PARP4: variants seen among roughly 807,000 people sequenced by gnomAD.
PARP4 encodes poly(ADP-ribose) polymerase family member 4.
Under a neutral mutation model 187.7 loss-of-function variants are expected in PARP4, and 120 were observed. The ratio of observed to expected loss-of-function variants is 0.64; its 90% confidence interval spans 0.55 to 0.74. The LOEUF (loss-of-function observed/expected upper bound fraction) is 0.74. Ranked by LOEUF, PARP4 falls within the 30% of genes least tolerant of loss-of-function variation. The pLI, the probability that PARP4 is intolerant of heterozygous loss-of-function variation, is 0.00. For synonymous variants in PARP4, 654 were observed against 740.9 expected, an observed-to-expected ratio of 0.88 and a Z score of 1.90; for missense variants, 1,836 against 2,070.5, an observed-to-expected ratio of 0.89 and a Z score of 2.20.
intron 12 of PARP4, among the ~76,000 whole-genome samples, chr13:24,482,080 G>A (rs1873309370): frequency 6.6e-6 from 1 of 152,218 alleles, no homozygotes; most frequent in South Asian, 2.1e-4. Context: ...GTGACTTTGA[G>A]GGGTTCAAAC....
intron 3 of PARP4, 56 bp downstream of exon 3, chr13:24,501,577 C>T (rs1260299777): frequency 3.3e-6 from 4 of 1,212,304 alleles, no homozygotes; most frequent in Non-Finnish European, 4.9e-6. Flanking sequence ...TTTGACAAAC[C>T]CAAGCGTGTA....
rs1050114 is a variant in PARP4, at chr13:24,435,150, C to T, written c.3991G>A (p.Ala1331Thr). 22,476 of 1,614,036 alleles carry T rather than the reference C, an allele frequency of 0.014. 1,096 individuals are homozygous for T. The African/African-American group carries it at 0.17, about 12-fold the overall frequency. The change falls in exon 31 of 34, where the codon GCC (alanine) becomes ACC (threonine). Residue 1331 changes from alanine to threonine, a missense_variant. Physicochemically the swap from Ala to Thr is moderately conservative, Grantham distance 58. Coordinates refer to ENST00000381989, the MANE Select transcript of PARP4 (RefSeq NM_006437.4). The part of the protein sequence containing the change: ...PAVGSYLPPT[A>T]RAHSPASLSF... Reference sequence around the variant, plus strand: ...AAGGAAGCAGGACTGTGAGCGCGGGCAGTCGGGGGAAGATAGGAACCAACG... The same window carrying T: ...AAGGAAGCAGGACTGTGAGCGCGGGTAGTCGGGGGAAGATAGGAACCAACG...
At chr13:24,497,280 C>T (rs898964747) in intron 6 of PARP4, among the ~76,000 whole-genome samples, 1 of 152,104 alleles carries the variant, frequency 6.6e-6, no homozygotes, top group Non-Finnish European at 1.5e-5. Flanking sequence ...TATATATATT[C>T]AGGATTGGAA....
intron 30 of PARP4, among the ~76,000 whole-genome samples, chr13:24,437,054 C>T (rs923621951): frequency 9.2e-5 from 14 of 151,798 alleles, no homozygotes; most frequent in Admixed American, 2.6e-4. Context: ...TTATAGTAGA[C>T]GAATCAATGG....
rs779895192 is a variant in PARP4 at position 24,446,712 on chromosome 13, G to A, written c.3335C>T (p.Ser1112Leu). 6.2e-6 allele frequency: 10 copies of A among 1,600,904 alleles called. No homozygotes were observed. The highest frequency in any genetic ancestry group is 1.7e-5 in the Admixed American group (1 of 59,872). Reference sequence around the variant, plus strand: ...AGTTGTCTTCTGAAGCTCAGTAGTCGACACCATTGTACGAAATTCTTTCTC... The same window carrying A: ...AGTTGTCTTCTGAAGCTCAGTAGTCAACACCATTGTACGAAATTCTTTCTC... ...IQEKEFRTMV[S>L]TTELQKTTGT... is the part of the protein sequence containing the mutation. The change falls in exon 27 of 34, where the codon TCG becomes TTG. Residue 1112 changes from serine to leucine, a missense_variant. Coordinates refer to ENST00000381989, the MANE Select transcript of PARP4 (RefSeq NM_006437.4).
At chr13:24,489,045 C>T (rs1868477282) in intron 10 of PARP4, among the ~76,000 whole-genome samples, 1 of 152,098 alleles carries the variant, frequency 6.6e-6, no homozygotes, top group South Asian at 2.1e-4. Flanking sequence ...ATCCACTTCC[C>T]TGTTGATGAA....
At chr13:24,476,437 G>A (rs1339085865) in intron 14 of PARP4, among the ~76,000 whole-genome samples, 14 of 152,032 alleles carry the variant, frequency 9.2e-5, no homozygotes, top group Non-Finnish European at 2.1e-4. Context: ...GGAAGGGCTC[G>A]GTCACTATTA....
chr13:24,469,740 C>T (rs1452283468), intron 16 of PARP4, among the ~76,000 whole-genome samples, 154 bp downstream of exon 16: 1 of 152,208 alleles, frequency 6.6e-6, no homozygotes, highest in African/African-American at 2.4e-5. Context: ...GGGAGGCTCA[C>T]TGCGCAAGAA....
chr13:24,495,753 C>A (rs1334592472), intron 6 of PARP4, among the ~76,000 whole-genome samples: 1 of 152,200 alleles, frequency 6.6e-6, no homozygotes, highest in Non-Finnish European at 1.5e-5. Context: ...GATAGGGGGG[C>A]CGCAGGATGC....
In PARP4 at chr13:24,460,458, G is replaced by A. The variant is rs1242814578; in HGVS notation, c.2134-322C>T. Among the ~76,000 whole-genome samples the A allele has an allele frequency of 3.3e-5, 4 of 119,560 alleles. 1 individual carries two copies. The highest frequency in any genetic ancestry group is 2.1e-4 in the East Asian group (1 of 4,688). 78.4% of individuals were successfully genotyped at this position (119,560 alleles called of 152,430 possible). ...TCTGCACACGTGGGCTCTGCTGCAC[G>A]GGTGGGCTCTGCTGCACGGGTGGGC... On this transcript the variant is annotated intron_variant, in intron 17 of 33. Coordinates refer to ENST00000381989, the MANE Select transcript of PARP4 (RefSeq NM_006437.4).
intron 15 of PARP4, among the ~76,000 whole-genome samples, 180 bp from the exon 16 acceptor site, chr13:24,470,205 A>G (rs912626754): frequency 1.4e-4 from 21 of 152,190 alleles, no homozygotes; most frequent in African/African-American, 5.1e-4. Context: ...ATGTGATAAA[A>G]TGCACCAGTC....
intron 17 of PARP4, among the ~76,000 whole-genome samples, chr13:24,464,866 A>G (rs944005529): frequency 2.0e-5 from 3 of 152,150 alleles, no homozygotes; most frequent in Non-Finnish European, 4.4e-5. Flanking sequence ...CAACCTAGAG[A>G]ATGAGAGAAA....
At position 24,443,703 on chromosome 13, in the gene PARP4, G is replaced by A. The variant is rs761417589; in HGVS notation, c.3394C>T (p.Leu1132=). 2 of 1,613,638 alleles carry A rather than the reference G, an allele frequency of 1.2e-6. No individual in the cohort carries two copies. Among genetic ancestry groups the A allele is most frequent in the African/African-American group, 1.3e-5 (1 of 74,906 alleles). The change falls in exon 28 of 34, where the codon CTA becomes TTA. Residue 1132 remains leucine (L), a synonymous_variant. Transcript: ENST00000381989. ...TMIHKLAARA[L]IRDYEDGILH... ...ATGCCATCTTCATAATCTCTGATTA[G>A]AGCTCGGGCTGCCAGCTTGTGGATC... is the stretch of plus-strand genomic sequence containing the variant.
intron 27 of PARP4, among the ~76,000 whole-genome samples, chr13:24,445,078 C>A (rs938662748): frequency 2.6e-5 from 4 of 152,188 alleles, no homozygotes; most frequent in Non-Finnish European, 4.4e-5. Context: ...CCCCCAGGAG[C>A]CCCACAATCC....
intron 6 of PARP4, among the ~76,000 whole-genome samples, chr13:24,495,661 A>C (rs1868903824): frequency 6.6e-6 from 1 of 152,160 alleles, no homozygotes; most frequent in African/African-American, 2.4e-5. Context: ...GTGTCCTTGT[A>C]GGTGTTGGTT....
intron 12 of PARP4, among the ~76,000 whole-genome samples, chr13:24,484,207 C>T (rs572842480): frequency 5.9e-5 from 9 of 152,216 alleles, no homozygotes; most frequent in Non-Finnish European, 1.0e-4. Flanking sequence ...CACTGTGTTG[C>T]CCAAGCTGGA....
intron 15 of PARP4, among the ~76,000 whole-genome samples, chr13:24,472,860 G>A (rs1013808011): frequency 2.0e-5 from 3 of 150,808 alleles, no homozygotes; most frequent in Admixed American, 6.6e-5. Context: ...TTAATAAGGT[G>A]GGATTTTCTC....
intron 27 of PARP4, among the ~76,000 whole-genome samples, chr13:24,446,435 G>A (rs1871211061): frequency 6.6e-6 from 1 of 151,548 alleles, no homozygotes; most frequent in Non-Finnish European, 1.5e-5. Context: ...GGCCACAGTG[G>A]AAGAGGAAGA....
At chr13:24,426,366 G>C in intron 33 of PARP4, 100 bp downstream of exon 33, 1 of 782,772 alleles carries the variant, frequency 1.3e-6, no homozygotes, top group Non-Finnish European at 2.0e-6. Flanking sequence ...CATACTTATA[G>C]TGTACACATG....
Sources: gnomAD v4.1 joint callset for allele counts (sites outside exome capture counted in the v4.1 genomes callset) on GRCh38, gnomAD v4.1.1 for gene constraint, MANE v1.5 for transcripts, NCBI Gene and HGNC (gene_info 2026-07-23, HGNC 2026-07-21) for gene names.